The following MAST1 variants were observed in gnomAD, a reference collection of about 807,000 sequenced individuals.
MAST1 encodes the protein microtubule associated serine/threonine kinase 1.
A neutral mutation model predicts 124.6 loss-of-function variants in MAST1; 40 were observed. The ratio of observed to expected loss-of-function variants is 0.32; its 90% CI spans 0.25 to 0.42. The LOEUF is 0.42. Ranked by LOEUF, MAST1 falls within the 10% of genes least tolerant of loss-of-function variation. The pLI, the probability that MAST1 is intolerant of heterozygous loss-of-function variation, is 1.00. For missense variants in MAST1, 1,558 were observed against 2,181.9 expected (o/e 0.71, Z 5.70); for synonymous variants, 938 against 939.4 (o/e 1.00, Z 0.03).
At chr19:12,868,940 G>A (rs774843556) in intron 21 of MAST1, 91 bp downstream of exon 21, 17 of 1,540,782 alleles carry the variant, frequency 1.1e-5, no homozygotes, top group Admixed American at 1.1e-4. Flanking sequence ...CCTGTCCACC[G>A]TGATTGGCTC....
Position 12,870,795 on chromosome 19 carries a change from C to A in MAST1, c.3004-29C>A, listed in dbSNP as rs747936942. ...TTTCCTTGTTACCAATCCCACTAAC[C>A]CTGTCCCTATGGGGTGCTCTTTTCC... On this transcript the variant is annotated intron_variant, in intron 22 of 25. Transcript: ENST00000251472. The A allele has an allele frequency of 6.7e-5, 106 of 1,573,530 alleles. 1 individual carries two copies. Among genetic ancestry groups the A allele is most frequent in the South Asian group, 5.1e-4 (44 of 85,712 alleles).
chr19:12,871,291 C>T, intron 24 of MAST1, 119 bp downstream of exon 24: 3 of 1,430,084 alleles, frequency 2.1e-6, no homozygotes, highest in Non-Finnish European at 2.9e-6. Context: ...AAATGACCAA[C>T]AAGCAAAGGG....
At chr19:12,852,487 A>T (rs980646359) in intron 10 of MAST1, 92 bp downstream of exon 10, 5 of 1,222,912 alleles carry the variant, frequency 4.1e-6, no homozygotes, top group Non-Finnish European at 6.0e-6. Context: ...GGCTTTGTGG[A>T]TCTCTTGGTC....
Position 12,841,079 on chromosome 19 carries a change from C to T in MAST1, c.248+13C>T. 2 of 1,404,096 alleles carry T rather than the reference C, an allele frequency of 1.4e-6. No individual in the cohort carries two copies. The highest frequency in any genetic ancestry group is 2.0e-6 in the Non-Finnish European group (2 of 988,806). 87.0% of individuals were successfully genotyped at this position (1,404,096 alleles called of 1,614,324 possible). A position where few individuals can be genotyped will look rare whatever the true frequency, so the allele number is the denominator to read the frequency against. On this transcript the variant is annotated intron_variant, in intron 3 of 25. Transcript: ENST00000251472. The surrounding 1 kb of genome is among the most constrained non-coding windows in gnomAD (Gnocchi z 4.3). ...CCTCCTCCCGAAGGTGAGTCCCTCC[C>T]CTCCAGGGCCCCAGAACCCTGGGCA...
chr19:12,838,729 CG>C lies in MAST1; in HGVS notation c.83+78del. On this transcript the variant is annotated intron_variant, in intron 1 of 25. Coordinates refer to ENST00000251472, the MANE Select transcript of MAST1 (RefSeq NM_014975.3). The surrounding 1 kb of genome is among the most constrained non-coding windows in gnomAD (Gnocchi z 4.3). ...CGCCGCTCCGGGTACTGCTGCAGGG[CG>C]GGGCCCGGGATGCTGCGCCCGGTCC... 1 of 1,365,142 alleles carries C rather than the reference CG, an allele frequency of 7.3e-7. No individual in the cohort carries two copies. 84.6% of individuals were successfully genotyped at this position (1,365,142 alleles called of 1,614,324 possible). A position where few individuals can be genotyped will look rare whatever the true frequency, so the allele number is the denominator to read the frequency against.
chr19:12,847,706 C>A lies in MAST1; in HGVS notation c.564+19C>A. 6.2e-7 allele frequency: 1 copy of A among 1,612,486 alleles called. No homozygotes were observed. Among genetic ancestry groups the A allele is most frequent in the Non-Finnish European group, 8.5e-7 (1 of 1,179,092 alleles). ...CCCGAAGGTGAGGTGGGACCCGAGG[C>A]GGTCACGGGGTGACCAGGCGGCCTG... On this transcript the variant is annotated intron_variant, in intron 6 of 25. Transcript: ENST00000251472. This position sits in a 1 kb window ranked among gnomAD's most constrained non-coding sequence, Gnocchi z 5.5.
chr19:12,839,911 AG>A (rs1257278458), intron 1 of MAST1, among the ~76,000 whole-genome samples: 2 of 152,200 alleles, frequency 1.3e-5, no homozygotes, highest in Non-Finnish European at 2.9e-5. Context: ...TTGATTTAAA[AG>A]AAAAAAAATA....
At position 12,873,395 on chromosome 19, in the gene MAST1, C is replaced by A; in HGVS notation, c.3335C>A (p.Ser1112Ter). ...CTGCTGCATACTAGCCGCTCGCTGTCGTCGCTGAACCGCTCGCTGTCATCC... is the reference window on the plus strand; with the variant it reads ...CTGCTGCATACTAGCCGCTCGCTGTAGTCGCTGAACCGCTCGCTGTCATCC... ...SNLLHTSRSL[S>*]SLNRSLSSSD... Residue 1112 changes from serine (S) to a stop codon, truncating the protein, a stop_gained, in exon 25 of 26, where the codon TCG (serine) becomes TAG (stop). Transcript: ENST00000251472. LOFTEE classifies it high-confidence loss of function. 1 of 1,614,036 alleles carries A rather than the reference C, an allele frequency of 6.2e-7. No individual in the cohort carries two copies. The highest frequency in any genetic ancestry group is 8.5e-7 in the Non-Finnish European group (1 of 1,180,004).
Position 12,858,392 on chromosome 19 carries a change from G to A in MAST1, c.1108G>A (p.Gly370Arg). 1 of 1,614,014 alleles carries A rather than the reference G, an allele frequency of 6.2e-7. No individual in the cohort carries two copies. The highest frequency in any genetic ancestry group is 1.1e-5 in the South Asian group (1 of 91,062). The part of the protein sequence containing the change: ...GRSSKAKKPP[G>R]ENDFDTIKLI... ...CAGCAGCAAGGCCAAGAAACCGCCGGGGGAGAATGACTTCGATACCATCAA... is the reference window on the plus strand; with the variant it reads ...CAGCAGCAAGGCCAAGAAACCGCCGAGGGAGAATGACTTCGATACCATCAA... The change falls in exon 11 of 26, where the codon GGG (glycine) becomes AGG (arginine). Residue 370 changes from glycine to arginine, a missense_variant. Physicochemically the swap from Gly to Arg is moderately radical, Grantham distance 125. Around this residue, in one of 10 missense-constraint regions of MAST1, gnomAD observed 136 missense variants for 160.9 expected, o/e 0.85. Transcript: ENST00000251472.
At chr19:12,846,738 C>A (rs938212166) in intron 4 of MAST1, among the ~76,000 whole-genome samples, 5 of 151,894 alleles carry the variant, frequency 3.3e-5, no homozygotes, top group African/African-American at 1.2e-4. Context: ...ATTAGCCAGG[C>A]GTGGTGACAG....
chr19:12,843,873 C>A lies in MAST1; in HGVS notation c.327+266C>A, dbSNP rs937404291. Among the ~76,000 whole-genome samples the A allele has an allele frequency of 1.3e-5, 2 of 152,104 alleles. No individual in the cohort carries two copies. The highest frequency in any genetic ancestry group is 4.8e-5 in the African/African-American group (2 of 41,416). The stretch of plus-strand genomic sequence containing the variant: ...AAAATTATCTGGGCGTGGTGGTGCA[C>A]ACCTGTGGTCCCCACTATTTGGGAG... On this transcript the variant is annotated intron_variant, in intron 4 of 25. Coordinates refer to ENST00000251472, the MANE Select transcript of MAST1 (RefSeq NM_014975.3). This position sits in a 1 kb window ranked among gnomAD's most constrained non-coding sequence, Gnocchi z 4.9.
rs762190853 is a variant in MAST1, at chr19:12,870,855, C to T, written c.3035C>T (p.Ala1012Val). The part of the protein sequence containing the change: ...HVEEGGPAQE[A>V]GLCAGDLITH... ...GAGGAAGGAGGCCCAGCCCAGGAGG[C>T]AGGACTCTGTGCTGGGGACCTCATC... Residue 1012 changes from alanine to valine, a missense_variant, in exon 23 of 26, where the codon GCA (alanine) becomes GTA (valine). Physicochemically the swap from Ala to Val is moderately conservative, Grantham distance 64. Coordinates refer to ENST00000251472, the MANE Select transcript of MAST1 (RefSeq NM_014975.3). 5.6e-6 allele frequency: 9 copies of T among 1,613,590 alleles called. No homozygotes were observed. The highest frequency in any genetic ancestry group is 7.6e-6 in the Non-Finnish European group (9 of 1,179,770).
chr19:12,861,477 CA>C (rs1202849028), intron 12 of MAST1, among the ~76,000 whole-genome samples: 2 of 152,102 alleles, frequency 1.3e-5, no homozygotes, highest in African/African-American at 4.8e-5. Context: ...CCTGCTAGTA[CA>C]AAGTCTCTTA....
At chr19:12,858,797 C>T (rs1488761907) in intron 12 of MAST1, 58 bp downstream of exon 12, 1 of 1,580,146 alleles carries the variant, frequency 6.3e-7, no homozygotes, top group Middle Eastern at 1.7e-4. Flanking sequence ...GTCAGGGCTG[C>T]GGGGTGGCCT....
chr19:12,839,838 A>C (rs1259742452), intron 1 of MAST1, among the ~76,000 whole-genome samples: 1 of 152,156 alleles, frequency 6.6e-6, no homozygotes, highest in Admixed American at 6.5e-5. Flanking sequence ...GCTTGAGCCC[A>C]GGAGTTTGAG....
Position 12,838,536 on chromosome 19 carries a change from G to T in MAST1, c.-37G>T. 2.1e-6 allele frequency: 3 copies of T among 1,457,800 alleles called. No homozygotes were observed. Among genetic ancestry groups the T allele is most frequent in the Non-Finnish European group, 2.7e-6 (3 of 1,095,112 alleles). The allele number at this position is 1,457,800 out of a possible 1,614,324, so 90.3% of individuals were successfully genotyped here. ...CGCCGCCGCCGCCGCCTCCGCCGCT[G>T]CTGCCGCACCTGCCACCATGTCGCC... On this transcript the variant is annotated 5_prime_UTR_variant, in exon 1 of 26. Transcript: ENST00000251472. The surrounding 1 kb of genome is among the most constrained non-coding windows in gnomAD (Gnocchi z 4.3).
At chr19:12,873,268 A>G in intron 24 of MAST1, 56 bp from the exon 25 acceptor site, 1 of 1,546,286 alleles carries the variant, frequency 6.5e-7, no homozygotes, top group Non-Finnish European at 8.9e-7. Context: ...AAATGGGAGG[A>G]GCCCTGAGCT....
Position 12,874,126 on chromosome 19 carries a change from C to T in MAST1, c.3969C>T (p.Pro1323=). 3 of 1,543,922 alleles carry T rather than the reference C, an allele frequency of 1.9e-6. No homozygotes were observed. Among genetic ancestry groups the T allele is most frequent in the Non-Finnish European group, 2.6e-6 (3 of 1,147,060 alleles). The change falls in exon 26 of 26, where the codon CCC becomes CCT. Residue 1323 remains proline (P), a synonymous_variant. Coordinates refer to ENST00000251472, the MANE Select transcript of MAST1 (RefSeq NM_014975.3). This position sits in a 1 kb window ranked among gnomAD's most constrained non-coding sequence, Gnocchi z 6.6. ...CCCCAGTCGAGGGCCTTGGCGCGCC[C>T]CGGCAGGTCGCCGTCCGCCGCCTGG... ...ETPPVEGLGA[P]RQVAVRRLGR...
Position 12,874,283 on chromosome 19 carries a change from AC to A in MAST1, c.4131del (p.Gly1378ValfsTer35). 2 of 1,589,328 alleles carry A rather than the reference AC, an allele frequency of 1.3e-6. No individual in the cohort carries two copies. Among genetic ancestry groups the A allele is most frequent in the Non-Finnish European group, 8.5e-7 (1 of 1,173,948 alleles). On this transcript the variant is annotated frameshift_variant, in exon 26 of 26. Transcript: ENST00000251472. LOFTEE classifies it low-confidence loss of function (END_TRUNC). This position sits in a 1 kb window ranked among gnomAD's most constrained non-coding sequence, Gnocchi z 6.6. ...GGCGTGCACCCCACCCCGCGCGACG[AC>A]CCCCGGTGGCCGGACCCTGGAGCGG... Reference protein sequence around the residue: ...AEACTPPRATTPGGRTLERDV... With the variant: ...AEACTPPRATXPGGRTLERDV...
Sources: allele counts gnomAD v4.1 joint callset (sites outside exome capture counted in the v4.1 genomes callset), GRCh38; gene constraint gnomAD v4.1.1; regional missense constraint gnomAD v4.1.1; non-coding constraint Gnocchi (gnomAD v3.1); transcripts MANE v1.5; gene names NCBI Gene and HGNC (gene_info 2026-07-23, HGNC 2026-07-21).